RHOT1: variants seen among roughly 807,000 people sequenced by gnomAD.
RHOT1 encodes the protein mitochondrial Rho GTPase 1.
A neutral mutation model predicts 95.3 loss-of-function variants in RHOT1; 27 were observed. The ratio of observed to expected loss-of-function variants is 0.28; its 90% CI spans 0.21 to 0.39. The LOEUF (loss-of-function observed/expected upper bound fraction) is 0.39, where lower values mean the gene tolerates loss of function less well. RHOT1 is among the 10% of genes least tolerant of loss of function. RHOT1 has a pLI of 1.00. For synonymous variants in RHOT1, 227 were observed against 263.5 expected (o/e 0.86, Z 1.34); for missense variants, 578 against 786.7 (o/e 0.73, Z 3.17).
rs540305760 is a variant in RHOT1, at chr17:32,173,778, A to G, written c.97-53A>G. 102 of 1,161,716 alleles carry G rather than the reference A, an allele frequency of 8.8e-5. 1 individual carries two copies. Among genetic ancestry groups the G allele is most frequent in the Non-Finnish European group, 2.5e-6 (2 of 790,266 alleles). 72.0% of individuals were successfully genotyped at this position (1,161,716 alleles called of 1,614,324 possible). A position where few individuals can be genotyped will look rare whatever the true frequency, so the allele number is the denominator to read the frequency against. On this transcript the variant is annotated intron_variant, in intron 2 of 19. Transcript: ENST00000545287. ...ATTTATATCATCTATTACAAGTTTG[A>G]GTGATAATATTCAAAGGTGTTTTTT...
At chr17:32,144,243 A>T (rs1241432281) in intron 1 of RHOT1, among the ~76,000 whole-genome samples, 2 of 152,116 alleles carry the variant, frequency 1.3e-5, no homozygotes, top group Non-Finnish European at 2.9e-5. Flanking sequence ...TCTGTCACCG[A>T]GGCTGGAGTG....
At chr17:32,161,495 C>T (rs979702835) in intron 1 of RHOT1, among the ~76,000 whole-genome samples, 13 of 152,230 alleles carry the variant, frequency 8.5e-5, no homozygotes, top group African/African-American at 2.4e-5. Context: ...TGTATCTTAG[C>T]AGAATTCAGG....
intron 16 of RHOT1, among the ~76,000 whole-genome samples, chr17:32,204,226 AT>A (rs1228126483): frequency 6.6e-6 from 1 of 151,444 alleles, no homozygotes; most frequent in East Asian, 1.9e-4. Flanking sequence ...GCTTGATTTT[AT>A]TTTTTTTCAT....
chr17:32,192,409 TAA>T (rs2036557720), intron 9 of RHOT1, 110 bp downstream of exon 9: 1 of 677,446 alleles, frequency 1.5e-6, no homozygotes, highest in Non-Finnish European at 2.5e-6. Flanking sequence ...GTTATAAACA[TAA>T]GTTTCTTTCT....
intron 19 of RHOT1, among the ~76,000 whole-genome samples, chr17:32,214,894 C>CTTTTTTTT (rs551151153): frequency 2.3e-4 from 12 of 52,836 alleles, no homozygotes; most frequent in Non-Finnish European, 3.2e-4. Context: ...AAAGGCTTGT[C>CTTTTTTTT]TTTTTTTTTT....
intron 1 of RHOT1, among the ~76,000 whole-genome samples, chr17:32,160,544 A>C (rs2033438518): frequency 6.6e-6 from 1 of 152,214 alleles, no homozygotes. Context: ...CAGGGAGCCC[A>C]GACCTGGGAG....
At chr17:32,197,407 C>T (rs2036971781) in intron 11 of RHOT1, among the ~76,000 whole-genome samples, 1 of 148,762 alleles carries the variant, frequency 6.7e-6, no homozygotes, top group Admixed American at 6.7e-5. Flanking sequence ...TTTCTTTTTT[C>T]TTCTTTTTTC....
intron 7 of RHOT1, 84 bp from the exon 8 acceptor site, chr17:32,183,087 C>A: frequency 8.5e-7 from 1 of 1,174,166 alleles, no homozygotes; most frequent in South Asian, 1.5e-5. Context: ...TTCAAGGAAT[C>A]TTTTTTTTGC....
chr17:32,187,603 G>A (rs2036156171), intron 8 of RHOT1, among the ~76,000 whole-genome samples: 1 of 152,128 alleles, frequency 6.6e-6, no homozygotes. Flanking sequence ...TTATTTATTT[G>A]AGATGGAGTC....
chr17:32,150,529 G>T, intron 1 of RHOT1: 1 of 1,485,038 alleles, frequency 6.7e-7, no homozygotes, highest in African/African-American at 1.4e-5. Context: ...ACTGGGCCAG[G>T]TTTGTGTGGG....
At chr17:32,180,488 A>C (rs2142635873) in intron 6 of RHOT1, among the ~76,000 whole-genome samples, 1 of 152,096 alleles carries the variant, frequency 6.6e-6, no homozygotes, top group East Asian at 1.9e-4. Flanking sequence ...ACCACTCCCT[A>C]ATCTCAAGTA....
chr17:32,193,277 C>T (rs1423706141), intron 10 of RHOT1, 33 bp downstream of exon 10: 3 of 1,425,484 alleles, frequency 2.1e-6, no homozygotes, highest in African/African-American at 1.4e-5. Context: ...CCTTTTGAAA[C>T]TTAATATTTT....
At chr17:32,196,846 G>T (rs560454725) in intron 11 of RHOT1, among the ~76,000 whole-genome samples, 21 of 152,174 alleles carry the variant, frequency 1.4e-4, no homozygotes, top group Middle Eastern at 6.8e-3. Flanking sequence ...TTTGGGGGCC[G>T]GGTGTGGTGG....
At chr17:32,208,447 T>A in intron 18 of RHOT1, 138 bp downstream of exon 18, 1 of 840,978 alleles carries the variant, frequency 1.2e-6, no homozygotes, top group Non-Finnish European at 1.9e-6. Context: ...AGGTACAAAT[T>A]TGAGTAAATG....
chr17:32,146,207 A>AT (rs1215101508), intron 1 of RHOT1, among the ~76,000 whole-genome samples: 1 of 152,084 alleles, frequency 6.6e-6, no homozygotes, highest in Admixed American at 6.6e-5. Context: ...ATATTTGTAC[A>AT]TTTTTTGTCC....
intron 16 of RHOT1, among the ~76,000 whole-genome samples, chr17:32,205,721 C>CTAG (rs1408610733): frequency 6.6e-6 from 1 of 152,136 alleles, no homozygotes; most frequent in African/African-American, 2.4e-5. Flanking sequence ...GGGTGGATCA[C>CTAG]CCTAGCCTGA....
chr17:32,149,607 A>ATGTGTGTGTG (rs1567648997), intron 1 of RHOT1, among the ~76,000 whole-genome samples: 1 of 77,692 alleles, frequency 1.3e-5, no homozygotes, highest in African/African-American at 8.4e-5. Flanking sequence ...ATATATATAT[A>ATGTGTGTGTG]TATATATATA....
At chr17:32,205,413 A>G (rs1380476895) in intron 16 of RHOT1, among the ~76,000 whole-genome samples, 1 of 152,188 alleles carries the variant, frequency 6.6e-6, no homozygotes, top group East Asian at 1.9e-4. Context: ...ACTATTGACT[A>G]GAAATTAATA....
chr17:32,217,120 T>C (rs369778147), intron 19 of RHOT1, among the ~76,000 whole-genome samples: 5 of 152,208 alleles, frequency 3.3e-5, no homozygotes, highest in South Asian at 4.1e-4. Flanking sequence ...AGTTAACATA[T>C]AGATATTGGA....
Sources: gnomAD v4.1 joint callset for allele counts (sites outside exome capture counted in the v4.1 genomes callset) on GRCh38, gnomAD v4.1.1 for gene constraint, MANE v1.5 for transcripts, NCBI Gene and HGNC (gene_info 2026-07-23, HGNC 2026-07-21) for gene names.